GSG1L2: variants seen among roughly 807,000 people sequenced by gnomAD.
GSG1L2 encodes GSG1 like 2, also known as germ cell-specific gene 1-like protein 2.
Under a neutral mutation model 9.0 loss-of-function variants are expected in GSG1L2, and 15 were observed. The ratio of observed to expected loss-of-function variants is 1.67; its 90% confidence interval spans 1.12 to 2.57. The LOEUF (loss-of-function observed/expected upper bound fraction) is 2.57. GSG1L2 is among the 30% of genes most tolerant of loss of function. The pLI is 0.00. For synonymous variants in GSG1L2, 127 were observed against 57.9 expected (o/e 2.19, Z -5.41); for missense variants, 286 against 150.3 (o/e 1.90, Z -4.72).
Position 9,817,937 on chromosome 17 carries a change from C to G in GSG1L2, c.310+3825G>C, listed in dbSNP as rs78461867. Among the ~76,000 whole-genome samples, 2,307 of 152,238 alleles carry G rather than the reference C, an allele frequency of 0.015. 130 individuals are homozygous for G. The East Asian group carries it at 0.19, about 13-fold the overall frequency. The stretch of plus-strand genomic sequence containing the variant: ...TTATGCTGCCTCAGACATTGGCTCA[C>G]TCAGTTCTGCCTGCCTGGAACGTTC... On this transcript the variant is annotated intron_variant, in intron 1 of 4. Coordinates refer to ENST00000399363, the MANE Select transcript of GSG1L2 (RefSeq NM_001310219.2).
intron 1 of GSG1L2, among the ~76,000 whole-genome samples, chr17:9,814,525 A>C (rs1214758689): frequency 6.6e-6 from 1 of 152,196 alleles, no homozygotes; most frequent in Non-Finnish European, 1.5e-5. Flanking sequence ...AGGCCAGCCA[A>C]GGAGATTAAG....
In GSG1L2 at chr17:9,807,503, C is replaced by T. The variant is rs2066520443; in HGVS notation, c.610G>A (p.Gly204Ser). ...EDWKPQTWDY[G>S]WSYCLAWGSF... ...CAAGCAACTTACCAATATGACCAGCCATAGTCCCAGGTCTGAGGCTTCCAA... is the reference window on the plus strand; with the variant it reads ...CAAGCAACTTACCAATATGACCAGCTATAGTCCCAGGTCTGAGGCTTCCAA... The change falls in exon 4 of 5, where the codon GGC (glycine) becomes AGC (serine). Residue 204 changes from glycine (G) to serine (S), a missense_variant. By Grantham distance (56) the Gly-to-Ser change is moderately conservative. Transcript: ENST00000399363. 2 of 702,964 alleles carry T rather than the reference C, an allele frequency of 2.8e-6. No individual in the cohort carries two copies. Among genetic ancestry groups the T allele is most frequent in the Non-Finnish European group, 5.2e-6 (2 of 384,966 alleles). The allele number at this position is 702,964 out of a possible 1,614,324, so 43.5% of individuals were successfully genotyped here.
At position 9,802,494 on chromosome 17, in the gene GSG1L2, C is replaced by T. The variant is rs753755669; in HGVS notation, c.774G>A (p.Ser258=). ...SQHSFLEPEA[S]ESIWKTGAAP... ...CAGCTCCTGTTTTCCAAATGCTCTC[C>T]GAAGCCTCGGGTTCCAGGAAGCTGT... Residue 258 remains serine, a synonymous_variant, in exon 5 of 5, where the codon TCG becomes TCA. Transcript: ENST00000399363. 1.0e-5 allele frequency: 7 copies of T among 702,376 alleles called. No individual in the cohort carries two copies. Among genetic ancestry groups the T allele is most frequent in the Non-Finnish European group, 1.3e-5 (5 of 384,942 alleles). The allele number at this position is 702,376 out of a possible 1,614,324, so 43.5% of individuals were successfully genotyped here. A position where few individuals can be genotyped will look rare whatever the true frequency, so the allele number is the denominator to read the frequency against.
At chr17:9,805,532 T>C (rs1260213684) in intron 4 of GSG1L2, 5 of 152,186 alleles carry the variant, frequency 3.3e-5, no homozygotes, top group Non-Finnish European at 7.3e-5. Context: ...CGATCAAGTA[T>C]GGAGTATTGA....
intron 1 of GSG1L2, among the ~76,000 whole-genome samples, chr17:9,811,979 G>GTCACTTATCACTTA (rs55847131): frequency 2.2e-4 from 33 of 151,744 alleles, no homozygotes; most frequent in South Asian, 8.4e-4. Context: ...CCAACCAATA[G>GTCACTTATCACTTA]TCACTTATCA....
chr17:9,819,445 C>T (rs943928787), intron 1 of GSG1L2, among the ~76,000 whole-genome samples: 1 of 152,034 alleles, frequency 6.6e-6, no homozygotes, highest in Non-Finnish European at 1.5e-5. Context: ...GGCTATGTAA[C>T]CATAGTTTTT....
Position 9,820,891 on chromosome 17 carries a change from G to A in GSG1L2, c.310+871C>T, listed in dbSNP as rs1409435662. ...GTTGCCAGGCTGGTCTGTAACTCCT[G>A]GTCTCAAGTGATTCTCCTGTCTCAG... On this transcript the variant is annotated intron_variant, in intron 1 of 4. Coordinates refer to ENST00000399363, the MANE Select transcript of GSG1L2 (RefSeq NM_001310219.2). This position sits in a 1 kb window ranked among gnomAD's most constrained non-coding sequence, Gnocchi z 4.9. Among the ~76,000 whole-genome samples, 1 of 152,066 alleles carries A rather than the reference G, an allele frequency of 6.6e-6. No homozygotes were observed. Among genetic ancestry groups the A allele is most frequent in the Non-Finnish European group, 1.5e-5 (1 of 68,024 alleles).
intron 1 of GSG1L2, among the ~76,000 whole-genome samples, chr17:9,816,267 A>G (rs949177252): frequency 2.6e-5 from 4 of 152,260 alleles, no homozygotes; most frequent in Non-Finnish European, 5.9e-5. Flanking sequence ...ATCATGGAGA[A>G]CACTAACTCT....
Position 9,802,487 on chromosome 17 carries a change from T to C in GSG1L2, c.781A>G (p.Ile261Val), listed in dbSNP as rs1425381695. The C allele has an allele frequency of 1.1e-5, 8 of 702,474 alleles. No individual in the cohort carries two copies. The highest frequency in any genetic ancestry group is 1.8e-5 in the Non-Finnish European group (7 of 384,950). 43.5% of individuals were successfully genotyped at this position (702,474 alleles called of 1,614,324 possible). The change falls in exon 5 of 5, where the codon ATT (isoleucine) becomes GTT (valine). Residue 261 changes from isoleucine (I) to valine (V), a missense_variant. Physicochemically the swap from Ile to Val is conservative, Grantham distance 29. Transcript: ENST00000399363. ...SFLEPEASES[I>V]WKTGAAPCPA... ...CAAGGAGCAGCTCCTGTTTTCCAAA[T>C]GCTCTCCGAAGCCTCGGGTTCCAGG...
chr17:9,803,398 C>T (rs559290558), intron 4 of GSG1L2, among the ~76,000 whole-genome samples: 40 of 152,310 alleles, frequency 2.6e-4, no homozygotes, highest in Non-Finnish European at 5.3e-4. Flanking sequence ...CCACCGCGCC[C>T]GACCAGCATC....
At chr17:9,812,180 CA>C (rs1409882277) in intron 1 of GSG1L2, among the ~76,000 whole-genome samples, 3 of 152,284 alleles carry the variant, frequency 2.0e-5, no homozygotes, top group African/African-American at 7.2e-5. Flanking sequence ...TAAGCAACCC[CA>C]AGGGCAAGGT....
At chr17:9,813,906 T>G (rs908237832) in intron 1 of GSG1L2, among the ~76,000 whole-genome samples, 1 of 152,090 alleles carries the variant, frequency 6.6e-6, no homozygotes, top group Non-Finnish European at 1.5e-5. Flanking sequence ...GTGAGAAAGT[T>G]GTGAAAGTAT....
chr17:9,804,675 G>A (rs556603324), intron 4 of GSG1L2: 2 of 152,280 alleles, frequency 1.3e-5, no homozygotes, highest in South Asian at 4.1e-4. Flanking sequence ...AGATAAAATA[G>A]ATGGTGCCAT....
rs1831017623 is a variant in GSG1L2, at chr17:9,801,010, C to G, written c.*1376G>C. Among the ~76,000 whole-genome samples the G allele has an allele frequency of 6.6e-6, 1 of 152,080 alleles. No homozygotes were observed. On this transcript the variant is annotated 3_prime_UTR_variant, in exon 5 of 5. Coordinates refer to ENST00000399363, the MANE Select transcript of GSG1L2 (RefSeq NM_001310219.2). ...TCAGGCAGGTGCTCACCTTGAGCCA[C>G]AAACACGAAGGTAGCTGGATTTTTT...
In GSG1L2 at chr17:9,802,292, A is replaced by G. The variant is rs1340179153; in HGVS notation, c.*94T>C. On this transcript the variant is annotated 3_prime_UTR_variant, in exon 5 of 5. Transcript: ENST00000399363. ...GGATGGAAGCTTTCCCTGGACAACA[A>G]TCTCCTGAAGTCCAACCCAGAGGCA... 2 of 578,098 alleles carry G rather than the reference A, an allele frequency of 3.5e-6. No individual in the cohort carries two copies. The highest frequency in any genetic ancestry group is 3.7e-5 in the African/African-American group (2 of 53,622). The allele number at this position is 578,098 out of a possible 1,614,324, so 35.8% of individuals were successfully genotyped here.
chr17:9,801,103 T>C lies in GSG1L2; in HGVS notation c.*1283A>G, dbSNP rs950094435. On this transcript the variant is annotated 3_prime_UTR_variant, in exon 5 of 5. Transcript: ENST00000399363. Reference sequence around the variant, plus strand: ...TAAACAGATTTTTATTGGATTTTTTTCCCAGAAATGATATGTTTACAAAAC... The same window carrying C: ...TAAACAGATTTTTATTGGATTTTTTCCCCAGAAATGATATGTTTACAAAAC... Among the ~76,000 whole-genome samples the C allele has an allele frequency of 1.3e-5, 2 of 152,194 alleles. No homozygotes were observed. Among genetic ancestry groups the C allele is most frequent in the Non-Finnish European group, 2.9e-5 (2 of 68,036 alleles).
chr17:9,814,109 T>A (rs1352836399), intron 1 of GSG1L2, among the ~76,000 whole-genome samples: 2 of 152,168 alleles, frequency 1.3e-5, no homozygotes, highest in Non-Finnish European at 2.9e-5. Flanking sequence ...TAATTTTTTG[T>A]ATTTTTAGTA....
intron 2 of GSG1L2, chr17:9,810,308 T>A: frequency 1.8e-6 from 1 of 540,818 alleles, no homozygotes; most frequent in Non-Finnish European, 3.3e-6. Flanking sequence ...TTGGCTATGG[T>A]GGGAATATTT....
At chr17:9,809,012 G>A in intron 2 of GSG1L2, 30 bp from the exon 3 acceptor site, 1 of 701,784 alleles carries the variant, frequency 1.4e-6, no homozygotes, top group Non-Finnish European at 2.6e-6. Flanking sequence ...TGGAAACGCT[G>A]GACACTTCTA....
Sources: gnomAD v4.1 joint callset for allele counts (sites outside exome capture counted in the v4.1 genomes callset) on GRCh38, gnomAD v4.1.1 for gene constraint, Gnocchi (gnomAD v3.1) non-coding constraint, MANE v1.5 for transcripts, NCBI Gene and HGNC (gene_info 2026-07-23, HGNC 2026-07-21) for gene names.